Variants in XIRP2 observed in about 807,000 individuals in gnomAD.
XIRP2 encodes the protein xin actin-binding repeat-containing protein 2.
In XIRP2, 236 loss-of-function variants were observed where a neutral mutation model predicts 277.0. The observed-to-expected ratio is 0.85, with a 90% CI of 0.77 to 0.95. XIRP2 has a LOEUF of 0.95. XIRP2 is among the 40% of genes least tolerant of loss of function. The pLI is 0.00. For synonymous variants in XIRP2, 1,490 were observed against 1,416.5 expected, an observed-to-expected ratio of 1.05 and a Z score of -1.17; for missense variants, 4,640 against 4,157.5, an observed-to-expected ratio of 1.12 and a Z score of -3.19.
chr2:167,098,604 C>T (rs1242940376), intron 2 of XIRP2, among the ~76,000 whole-genome samples: 1 of 152,194 alleles, frequency 6.6e-6, no homozygotes, highest in Non-Finnish European at 1.5e-5. Context: ...AATTGTGATC[C>T]TTTGGAGGAG....
intron 3 of XIRP2, among the ~76,000 whole-genome samples, chr2:167,174,243 C>G (rs1252284067): frequency 6.6e-6 from 1 of 152,082 alleles, no homozygotes; most frequent in African/African-American, 2.4e-5. Flanking sequence ...CTGTCTGGTC[C>G]TGGGCTTGTT....
At chr2:166,927,643 A>G (rs556323565) in intron 2 of XIRP2, among the ~76,000 whole-genome samples, 1 of 152,238 alleles carries the variant, frequency 6.6e-6, no homozygotes, top group African/African-American at 2.4e-5. Context: ...ACAGTGGGAC[A>G]ACCAAGATCA....
At chr2:167,225,247 T>C (rs1359281459) in intron 5 of XIRP2, among the ~76,000 whole-genome samples, 1 of 151,990 alleles carries the variant, frequency 6.6e-6, no homozygotes, top group Non-Finnish European at 1.5e-5. Context: ...AATATACAAA[T>C]TGAATTAGGT....
At chr2:167,122,684 A>G (rs1044175736) in intron 2 of XIRP2, among the ~76,000 whole-genome samples, 2 of 152,150 alleles carry the variant, frequency 1.3e-5, no homozygotes, top group Admixed American at 6.6e-5. Flanking sequence ...CTGCCTACTT[A>G]GTGTACTTGT....
chr2:166,957,853 A>T (rs746234329), intron 2 of XIRP2, among the ~76,000 whole-genome samples: 8 of 151,970 alleles, frequency 5.3e-5, no homozygotes, highest in South Asian at 2.1e-4. Context: ...TCTGTATAAG[A>T]CATGACTGCA....
rs746593579 is a variant in XIRP2 at position 167,245,526 on chromosome 2, C to T, written c.4134C>T (p.Asp1378=). The change falls in exon 9 of 11, where the codon GAC becomes GAT. Residue 1378 remains aspartate (D), a synonymous_variant. Transcript: ENST00000409195. ...VYVIKSVTQE[D]IQKGDVSSVR... Reference sequence around the variant, plus strand: ...TTATTAAATCTGTCACACAAGAAGACATTCAGAAGGGAGATGTTAGTTCTG... The same window carrying T: ...TTATTAAATCTGTCACACAAGAAGATATTCAGAAGGGAGATGTTAGTTCTG... 5 of 1,613,414 alleles carry T rather than the reference C, an allele frequency of 3.1e-6. No homozygotes were observed. The highest frequency in any genetic ancestry group is 3.4e-6 in the Non-Finnish European group (4 of 1,179,706).
At chr2:166,893,351 A>G (rs549630529) in intron 1 of XIRP2, among the ~76,000 whole-genome samples, 1 of 152,240 alleles carries the variant, frequency 6.6e-6, no homozygotes, top group Non-Finnish European at 1.5e-5. Flanking sequence ...ATCCCAATAC[A>G]CCAAAAAAAT....
chr2:167,030,768 C>T (rs1040754338), intron 2 of XIRP2, among the ~76,000 whole-genome samples: 3 of 151,464 alleles, frequency 2.0e-5, no homozygotes, highest in African/African-American at 4.8e-5. Context: ...ATACGGTGAT[C>T]TGTCTAATAT....
At chr2:166,998,766 C>T (rs1369372470) in intron 2 of XIRP2, among the ~76,000 whole-genome samples, 5 of 152,288 alleles carry the variant, frequency 3.3e-5, no homozygotes, top group South Asian at 2.1e-4. Flanking sequence ...TCCACTTTAA[C>T]CAATCAAATA....
intron 2 of XIRP2, among the ~76,000 whole-genome samples, chr2:167,053,542 G>A (rs1159346619): frequency 1.3e-5 from 2 of 152,066 alleles, no homozygotes; most frequent in Admixed American, 6.6e-5. Flanking sequence ...ATGAAAATGG[G>A]ATGATGACTT....
Position 167,259,491 on chromosome 2 carries a change from T to C in XIRP2, c.*1674T>C. On this transcript the variant is annotated 3_prime_UTR_variant, in exon 11 of 11. Coordinates refer to ENST00000409195, the MANE Select transcript of XIRP2 (RefSeq NM_152381.6). ...AAACATGGTGTTCAGAAATCTCGTG[T>C]CTATCTCAATGGGATATTTCTTGTA... The C allele has an allele frequency of 1.1e-6, 1 of 882,728 alleles. No individual in the cohort carries two copies. Among genetic ancestry groups the C allele is most frequent in the Non-Finnish European group, 1.7e-6 (1 of 601,346 alleles). The allele number at this position is 882,728 out of a possible 1,614,324, so 54.7% of individuals were successfully genotyped here.
chr2:167,083,243 CAG>C (rs1463497363), intron 2 of XIRP2, among the ~76,000 whole-genome samples: 1 of 151,998 alleles, frequency 6.6e-6, no homozygotes, highest in African/African-American at 2.4e-5. Context: ...TGTCAAAGAT[CAG>C]ATAGTTGTAG....
chr2:167,073,612 G>A (rs375077203), intron 2 of XIRP2, among the ~76,000 whole-genome samples: 2 of 152,130 alleles, frequency 1.3e-5, no homozygotes, highest in South Asian at 4.2e-4. Context: ...TCTAGCAAAT[G>A]TCTACCTGTC....
At chr2:167,103,758 G>A (rs912765392) in intron 2 of XIRP2, among the ~76,000 whole-genome samples, 24 of 152,210 alleles carry the variant, frequency 1.6e-4, no homozygotes, top group African/African-American at 4.3e-4. Context: ...TCAAACGCTA[G>A]CTGGTATGTC....
At chr2:167,129,142 T>C (rs1691301120) in intron 2 of XIRP2, among the ~76,000 whole-genome samples, 1 of 152,166 alleles carries the variant, frequency 6.6e-6, no homozygotes, top group Admixed American at 6.5e-5. Context: ...CAAGGTTTCT[T>C]CTCTGGTCTT....
chr2:167,245,963 C>T lies in XIRP2; in HGVS notation c.4571C>T (p.Thr1524Ile), dbSNP rs1290639577. Residue 1524 changes from threonine to isoleucine, a missense_variant, in exon 9 of 11, where the codon ACA becomes ATA. Coordinates refer to ENST00000409195, the MANE Select transcript of XIRP2 (RefSeq NM_152381.6). Reference protein sequence around the residue: ...KEEIPPSDVKTTTWLFETTPL... With the variant: ...KEEIPPSDVKITTWLFETTPL... ...GAAATCCCTCCTTCTGATGTCAAAA[C>T]AACCACATGGCTCTTTGAAACAACA... 6.2e-7 allele frequency: 1 copy of T among 1,613,648 alleles called. No individual in the cohort carries two copies. Among genetic ancestry groups the T allele is most frequent in the South Asian group, 1.1e-5 (1 of 91,038 alleles).
chr2:167,233,979 A>G (rs1363635956), intron 5 of XIRP2, among the ~76,000 whole-genome samples: 1 of 151,686 alleles, frequency 6.6e-6, no homozygotes, highest in African/African-American at 2.4e-5. Context: ...TTATATGACT[A>G]ATATGTTTGA....
chr2:166,945,460 CA>C (rs142611563), intron 2 of XIRP2, among the ~76,000 whole-genome samples: 2 of 151,410 alleles, frequency 1.3e-5, no homozygotes, highest in African/African-American at 4.9e-5. Flanking sequence ...TAAATTGGCT[CA>C]AAAAAACCTT....
In XIRP2 at chr2:167,145,057, C is replaced by A. The variant is rs140119748; in HGVS notation, c.562+8995C>A. Among the ~76,000 whole-genome samples, 703 of 152,178 alleles carry A rather than the reference C, an allele frequency of 4.6e-3. 1 individual carries two copies. The highest frequency in any genetic ancestry group is 8.4e-3 in the Non-Finnish European group (571 of 67,986). Reference sequence around the variant, plus strand: ...AAGATAACCTTGTCTTTGCTCATTCCTGGTGTTTTTTGCTTATGCCATGCC... The same window carrying A: ...AAGATAACCTTGTCTTTGCTCATTCATGGTGTTTTTTGCTTATGCCATGCC... On this transcript the variant is annotated intron_variant, in intron 3 of 10. Transcript: ENST00000409195.
Sources: allele counts gnomAD v4.1 joint callset (sites outside exome capture counted in the v4.1 genomes callset), GRCh38; gene constraint gnomAD v4.1.1; transcripts MANE v1.5; gene names NCBI Gene and HGNC (gene_info 2026-07-23, HGNC 2026-07-21).